COL12A1: variants seen among roughly 807,000 people sequenced by gnomAD.
COL12A1 encodes collagen alpha-1(XII) chain.
In COL12A1, 114 loss-of-function variants were observed where a neutral mutation model predicts 349.7. The observed-to-expected ratio is 0.33, with a 90% CI of 0.28 to 0.38. The LOEUF is 0.38. Ranked by LOEUF, COL12A1 falls within the 10% of genes least tolerant of loss-of-function variation. The probability of loss-of-function intolerance (pLI) is 1.00; values close to 1 mark genes in which losing one functional copy is unlikely to be tolerated. For synonymous variants in COL12A1, 1,369 were observed against 1,329.0 expected (o/e 1.03, Z -0.66); for missense variants, 3,284 against 3,756.9 (o/e 0.87, Z 3.29).
intron 35 of COL12A1, 117 bp from the exon 36 acceptor site, chr6:75,131,098 C>T (rs1158847142): frequency 4.6e-5 from 61 of 1,325,900 alleles, no homozygotes; most frequent in South Asian, 3.6e-4. Flanking sequence ...ACATCAGAAG[C>T]CAACTGTGCT....
intron 7 of COL12A1, 65 bp from the exon 8 acceptor site, chr6:75,188,600 T>C (rs1769757626): frequency 9.1e-6 from 14 of 1,532,006 alleles, no homozygotes; most frequent in Middle Eastern, 1.7e-4. Flanking sequence ...GGAGAAGTTC[T>C]TCGTTTTCTC....
chr6:75,155,638 G>C, intron 16 of COL12A1, 24 bp downstream of exon 16: 1 of 1,579,836 alleles, frequency 6.3e-7, no homozygotes, highest in African/African-American at 1.4e-5. Context: ...TTCATCCTTT[G>C]ATACAAACGT....
intron 11 of COL12A1, among the ~76,000 whole-genome samples, chr6:75,179,824 T>C (rs918981993): frequency 1.3e-5 from 2 of 152,244 alleles, no homozygotes; most frequent in Non-Finnish European, 2.9e-5. Flanking sequence ...CTTAAATTGG[T>C]GCCTTAAATG....
chr6:75,095,548 C>G (rs569627694), intron 59 of COL12A1, among the ~76,000 whole-genome samples: 1 of 141,262 alleles, frequency 7.1e-6, no homozygotes, highest in Non-Finnish European at 1.5e-5. Flanking sequence ...ACCCAGGAAG[C>G]GGAGCTTGCA....
chr6:75,177,813 C>T lies in COL12A1; in HGVS notation c.2287G>A (p.Gly763Arg), dbSNP rs773836889. The stretch of plus-strand genomic sequence containing the variant: ...GGGGTGGTAACTTCTCTGCTCTCTC[C>T]ACCAGCAACTGGTCTATATATAATT... ...YRIIYRPVAG[G>R]ESREVTTPPN... The change falls in exon 12 of 66, where the codon GGA becomes AGA. Residue 763 changes from glycine to arginine, a missense_variant. By Grantham distance (125) the Gly-to-Arg change is moderately radical. Transcript: ENST00000322507. The T allele has an allele frequency of 5.0e-6, 8 of 1,613,998 alleles. No individual in the cohort carries two copies. In the African/African-American group the frequency reaches 1.1e-4, roughly 22 times the overall value.
At position 75,145,357 on chromosome 6, in the gene COL12A1, A is replaced by G; in HGVS notation, c.4659T>C (p.Thr1553=). ...CTTCCCGAACAGTGACAGGTTCACT[A>G]GTGAGGTCGTGCAGGACAGCCTGGA... ...VTVQAVLHDL[T]SEPVTVREVT... Residue 1553 remains threonine (T), a synonymous_variant, in exon 25 of 66, where the codon ACT becomes ACC. Coordinates refer to ENST00000322507, the MANE Select transcript of COL12A1 (RefSeq NM_004370.6). 1 of 1,613,332 alleles carries G rather than the reference A, an allele frequency of 6.2e-7. No individual in the cohort carries two copies. Among genetic ancestry groups the G allele is most frequent in the Non-Finnish European group, 8.5e-7 (1 of 1,179,472 alleles).
chr6:75,113,168 T>C (rs750969534), intron 51 of COL12A1, 36 bp downstream of exon 51: 1 of 1,123,480 alleles, frequency 8.9e-7, no homozygotes, highest in Non-Finnish European at 1.2e-6. Context: ...TATATTTTTT[T>C]CTAGAAATAA....
chr6:75,090,234 G>A lies in COL12A1; in HGVS notation c.8817C>T (p.Asn2939=). The A allele has an allele frequency of 1.9e-6, 3 of 1,614,008 alleles. No homozygotes were observed. Among genetic ancestry groups the A allele is most frequent in the Non-Finnish European group, 2.5e-6 (3 of 1,179,954 alleles). The change falls in exon 63 of 66, where the codon AAC becomes AAT. Residue 2939 remains asparagine, a synonymous_variant. Coordinates refer to ENST00000322507, the MANE Select transcript of COL12A1 (RefSeq NM_004370.6). The surrounding 1 kb of genome is among the most constrained non-coding windows in gnomAD (Gnocchi z 4.1). ...QIPNDYQSSR[N]QPGPPGPPGP... ...CCGGTGGACCCGGCGGGCCTGGCTGGTTGCGACTGGACTGGTAATCATTTG... is the reference window on the plus strand; with the variant it reads ...CCGGTGGACCCGGCGGGCCTGGCTGATTGCGACTGGACTGGTAATCATTTG...
At position 75,091,487 on chromosome 6, in the gene COL12A1, T is replaced by C. The variant is rs1767765356; in HGVS notation, c.8685+3A>G. 6.2e-7 allele frequency: 1 copy of C among 1,612,880 alleles called. No homozygotes were observed. The highest frequency in any genetic ancestry group is 8.5e-7 in the Non-Finnish European group (1 of 1,179,660). The stretch of plus-strand genomic sequence containing the variant: ...AAACGTAAGATTTTTTAAAAATACA[T>C]ACCCTATCACCTTTTTCTCCTTTCA... On this transcript the variant is annotated splice_donor_region_variant and intron_variant, in intron 61 of 65. Transcript: ENST00000322507.
At chr6:75,186,769 A>G (rs1484246613) in intron 8 of COL12A1, among the ~76,000 whole-genome samples, 2 of 152,198 alleles carry the variant, frequency 1.3e-5, no homozygotes, top group Non-Finnish European at 2.9e-5. Flanking sequence ...CATATATACC[A>G]TGGAATACTA....
chr6:75,105,831 T>C (rs1219011104), intron 53 of COL12A1, among the ~76,000 whole-genome samples: 5 of 152,176 alleles, frequency 3.3e-5, no homozygotes, highest in Admixed American at 2.6e-4. Flanking sequence ...ACTGGAATAC[T>C]CACTTTTTAC....
rs181759489 is a variant in COL12A1 at position 75,178,384 on chromosome 6, C to T, written c.2165-449G>A. ...ACCATATCAACCCACCCAACCAAAC[C>T]GTCTTATCCAGTCCGTCCCACACTA... On this transcript the variant is annotated intron_variant, in intron 11 of 65. Transcript: ENST00000322507. 8.5e-5 allele frequency among the ~76,000 whole-genome samples: 13 copies of T among 152,236 alleles called. No homozygotes were observed. The East Asian group carries it at 9.6e-4, about 11-fold the overall frequency.
In COL12A1 at chr6:75,130,883, C is replaced by T; in HGVS notation, c.6036G>A (p.Glu2012=). 6.2e-7 allele frequency: 1 copy of T among 1,614,084 alleles called. No homozygotes were observed. The highest frequency in any genetic ancestry group is 8.5e-7 in the Non-Finnish European group (1 of 1,179,990). The stretch of plus-strand genomic sequence containing the variant: ...GGCCCTGGGCAGGGCTGGGATTTCC[C>T]TCTCCATCCGAGTACAGAGCCACAA... ...VNLVALYSDG[E]GNPSPAQGRT... Residue 2012 remains glutamate, a synonymous_variant, in exon 36 of 66, where the codon GAG becomes GAA. Coordinates refer to ENST00000322507, the MANE Select transcript of COL12A1 (RefSeq NM_004370.6).
At chr6:75,118,258 A>G (rs1769184311) in intron 46 of COL12A1, among the ~76,000 whole-genome samples, 1 of 152,240 alleles carries the variant, frequency 6.6e-6, no homozygotes, top group Non-Finnish European at 1.5e-5. Flanking sequence ...AATACATTTT[A>G]TAAAAGATCA....
chr6:75,146,535 T>C (rs1767203833), intron 23 of COL12A1, among the ~76,000 whole-genome samples: 2 of 152,352 alleles, frequency 1.3e-5, no homozygotes, highest in East Asian at 1.9e-4. Flanking sequence ...ACCAACTTCC[T>C]GATACGTTAC....
At chr6:75,116,332 G>T (rs938815409) in intron 47 of COL12A1, among the ~76,000 whole-genome samples, 1 of 152,014 alleles carries the variant, frequency 6.6e-6, no homozygotes. Context: ...AATTACAGGA[G>T]GAATTTTTCA....
intron 27 of COL12A1, among the ~76,000 whole-genome samples, chr6:75,139,580 C>G (rs1054764200): frequency 1.3e-5 from 2 of 152,186 alleles, no homozygotes; most frequent in African/African-American, 4.8e-5. Flanking sequence ...GTATTGCACT[C>G]TGACAATTGA....
In COL12A1 at chr6:75,194,822, A is replaced by C; in HGVS notation, c.190+9T>G. On this transcript the variant is annotated intron_variant, in intron 3 of 65. Transcript: ENST00000322507. Reference sequence around the variant, plus strand: ...GCTTCTGTCCTAAAACCCCAGTCTCAAAACTTACCCGTTGTAGGGTCCACC... The same window carrying C: ...GCTTCTGTCCTAAAACCCCAGTCTCCAAACTTACCCGTTGTAGGGTCCACC... The C allele has an allele frequency of 6.3e-7, 1 of 1,579,090 alleles. No homozygotes were observed. The highest frequency in any genetic ancestry group is 8.6e-7 in the Non-Finnish European group (1 of 1,156,404).
At chr6:75,099,247 G>C (rs1172447115) in intron 58 of COL12A1, among the ~76,000 whole-genome samples, 1 of 152,134 alleles carries the variant, frequency 6.6e-6, no homozygotes, top group Non-Finnish European at 1.5e-5. Flanking sequence ...AACTTTTAGG[G>C]ATAAGATTTC....
Sources: gnomAD v4.1 joint callset for allele counts (sites outside exome capture counted in the v4.1 genomes callset) on GRCh38, gnomAD v4.1.1 for gene constraint, Gnocchi (gnomAD v3.1) non-coding constraint, MANE v1.5 for transcripts, NCBI Gene and HGNC (gene_info 2026-07-23, HGNC 2026-07-21) for gene names.